The following CCDC102B variants were observed in gnomAD, a reference collection of about 807,000 sequenced individuals.
CCDC102B encodes the protein coiled-coil domain-containing protein 102B.
In CCDC102B, 75 loss-of-function variants were observed where a neutral mutation model predicts 57.4. The observed-to-expected ratio is 1.31, with a 90% CI of 1.08 to 1.58. CCDC102B has a LOEUF of 1.58. Among genes scored for constraint, CCDC102B ranks in the 40% most tolerant of loss-of-function variants. The probability of loss-of-function intolerance (pLI) is 0.00; values close to 1 mark genes in which losing one functional copy is unlikely to be tolerated. For missense variants in CCDC102B, 636 were observed against 582.6 expected (o/e 1.09, Z -0.94); for synonymous variants, 206 against 201.9 (o/e 1.02, Z -0.17).
At chr18:68,911,449 G>A (rs543247155) in intron 6 of CCDC102B, among the ~76,000 whole-genome samples, 1 of 152,168 alleles carries the variant, frequency 6.6e-6, no homozygotes, top group East Asian at 1.9e-4. Context: ...TGGTGGGTGG[G>A]AGGATGGAGA....
At chr18:69,047,460 A>G (rs1257376395) in intron 7 of CCDC102B, among the ~76,000 whole-genome samples, 1 of 152,130 alleles carries the variant, frequency 6.6e-6, no homozygotes, top group Non-Finnish European at 1.5e-5. Context: ...AGATGGAAGC[A>G]TTCCCTGTGA....
intron 2 of CCDC102B, among the ~76,000 whole-genome samples, chr18:68,762,766 C>T (rs918508333): frequency 9.9e-5 from 15 of 152,096 alleles, no homozygotes; most frequent in African/African-American, 2.4e-4. Flanking sequence ...ACACTGTAAA[C>T]GTTACTGCCA....
At chr18:69,013,966 T>C (rs1023612476) in intron 7 of CCDC102B, among the ~76,000 whole-genome samples, 2 of 152,240 alleles carry the variant, frequency 1.3e-5, no homozygotes, top group African/African-American at 4.8e-5. Context: ...GCTCTGAATC[T>C]ATTAGTTTCC....
chr18:69,008,103 A>G (rs530487157), intron 6 of CCDC102B, among the ~76,000 whole-genome samples: 3 of 152,340 alleles, frequency 2.0e-5, no homozygotes, highest in Non-Finnish European at 4.4e-5. Flanking sequence ...TAAGCTCTGA[A>G]TTATTTGTGC....
At position 68,738,993 on chromosome 18, in the gene CCDC102B, C is replaced by CTTTTTTTTTTT. The variant is rs201214278; in HGVS notation, c.-67+22403_-67+22404insTTTTTTTTTTT. On this transcript the variant is annotated intron_variant, in intron 2 of 3. Coordinates refer to the CCDC102B transcript ENST00000578970. ...GGCCATTGGACTGTAGATGAGCAGC[C>CTTTTTTTTTTT]TTTTGTTTTTTTTTTTTTTAGACCA... Among the ~76,000 whole-genome samples, 108 of 145,000 alleles carry CTTTTTTTTTTT rather than the reference C, an allele frequency of 7.4e-4. 3 individuals carry two copies. Among genetic ancestry groups the CTTTTTTTTTTT allele is most frequent in the African/African-American group, 2.4e-3 (90 of 37,954 alleles).
intron 5 of CCDC102B, among the ~76,000 whole-genome samples, chr18:68,880,436 G>A (rs916246017): frequency 6.6e-6 from 1 of 152,216 alleles, no homozygotes; most frequent in African/African-American, 2.4e-5. Flanking sequence ...CCCAGAAAGG[G>A]GCTCCCACAG....
intron 5 of CCDC102B, among the ~76,000 whole-genome samples, chr18:68,888,045 T>A (rs903236001): frequency 2.6e-5 from 4 of 152,250 alleles, no homozygotes; most frequent in Middle Eastern, 6.8e-3. Flanking sequence ...ATGATGAATG[T>A]CACTTGTGTT....
chr18:68,861,273 C>CT (rs957796835), intron 4 of CCDC102B, among the ~76,000 whole-genome samples: 1 of 142,124 alleles, frequency 7.0e-6, no homozygotes, highest in East Asian at 2.2e-4. Context: ...ATCACTTGTG[C>CT]TTTTTTTCTG....
At chr18:68,920,653 T>C (rs796123849) in intron 6 of CCDC102B, among the ~76,000 whole-genome samples, 4 of 152,036 alleles carry the variant, frequency 2.6e-5, no homozygotes, top group African/African-American at 9.6e-5. Flanking sequence ...AGTTCTGCAT[T>C]GCTGGGGAGG....
At chr18:69,001,748 C>T (rs1022469590) in intron 6 of CCDC102B, among the ~76,000 whole-genome samples, 2 of 151,856 alleles carry the variant, frequency 1.3e-5, no homozygotes, top group South Asian at 4.2e-4. Flanking sequence ...CCGCTGATTA[C>T]CAATGAGTAT....
intron 5 of CCDC102B, among the ~76,000 whole-genome samples, chr18:68,879,770 C>T (rs149393326): frequency 0.014 from 2,092 of 146,880 alleles, 56 homozygotes; most frequent in African/African-American, 0.051. Context: ...TACAGAGTGT[C>T]GATTGGTGCA....
intron 1 of CCDC102B, among the ~76,000 whole-genome samples, chr18:68,819,884 GT>G (rs2036628324): frequency 6.6e-6 from 1 of 151,838 alleles, no homozygotes; most frequent in Non-Finnish European, 1.5e-5. Context: ...CTAAATATTG[GT>G]TTCTAAAATG....
At chr18:68,809,373 C>CT (rs1450840707) in intron 1 of CCDC102B, among the ~76,000 whole-genome samples, 1 of 152,120 alleles carries the variant, frequency 6.6e-6, no homozygotes, top group Non-Finnish European at 1.5e-5. Context: ...TAGAGAAACT[C>CT]TAAAAACACA....
intron 1 of CCDC102B, among the ~76,000 whole-genome samples, chr18:68,808,088 T>C (rs1426438565): frequency 6.6e-6 from 1 of 152,188 alleles, no homozygotes; most frequent in Non-Finnish European, 1.5e-5. Context: ...TAGATGTAAC[T>C]TTCCCAGTGA....
At chr18:68,965,323 T>G (rs2050141237) in intron 6 of CCDC102B, among the ~76,000 whole-genome samples, 1 of 151,792 alleles carries the variant, frequency 6.6e-6, no homozygotes, top group Non-Finnish European at 1.5e-5. Context: ...TTTTTCCCAT[T>G]TGTTCCCCCT....
intron 6 of CCDC102B, among the ~76,000 whole-genome samples, chr18:68,972,963 A>G (rs1169716172): frequency 2.6e-5 from 4 of 152,156 alleles, no homozygotes; most frequent in Admixed American, 2.6e-4. Flanking sequence ...GAATTTAATC[A>G]TGGGATGCTT....
chr18:68,836,870 C>T lies in CCDC102B; in HGVS notation c.107C>T (p.Pro36Leu), dbSNP rs757086801. ...GACATGGTGGCACCTGCCTCACCCC[C>T]CAGGGATACCTGTAATACCTGCTTC... ...RGDMVAPASP[P>L]RDTCNTCFPL... The change falls in exon 2 of 8, where the codon CCC (proline) becomes CTC (leucine). Residue 36 changes from proline to leucine, a missense_variant. Pro to Leu is a moderately conservative substitution (Grantham distance 98). Coordinates refer to ENST00000360242, the MANE Select transcript of CCDC102B (RefSeq NM_024781.3). 5.0e-6 allele frequency: 8 copies of T among 1,614,116 alleles called. No individual in the cohort carries two copies. The Middle Eastern group carries it at 4.9e-4, about 100-fold the overall frequency.
chr18:68,909,096 A>AAGAAAAAAG (rs1555724662), intron 6 of CCDC102B, among the ~76,000 whole-genome samples: 1 of 147,358 alleles, frequency 6.8e-6, no homozygotes, highest in Non-Finnish European at 1.5e-5. Flanking sequence ...ATGGTTAAAA[A>AAGAAAAAAG]AAAAAAAAGA....
chr18:68,998,431 T>G (rs1479817949), intron 6 of CCDC102B, among the ~76,000 whole-genome samples: 1 of 35,346 alleles, frequency 2.8e-5, no homozygotes, highest in Non-Finnish European at 2.2e-4. Context: ...ATATATAATA[T>G]ATTATATATA....
Sources: allele counts gnomAD v4.1 joint callset (sites outside exome capture counted in the v4.1 genomes callset), GRCh38; gene constraint gnomAD v4.1.1; transcripts MANE v1.5; gene names NCBI Gene and HGNC (gene_info 2026-07-23, HGNC 2026-07-21).